Variants in CTNNA2 observed in about 807,000 individuals in gnomAD.
CTNNA2 encodes catenin alpha 2.
Under a neutral mutation model 101.0 loss-of-function variants are expected in CTNNA2, and 42 were observed. That is an observed-to-expected ratio of 0.42 (90% CI 0.32 to 0.54). The LOEUF is 0.54. CTNNA2 is among the 20% of genes least tolerant of loss of function. The pLI, the probability that CTNNA2 is intolerant of heterozygous loss-of-function variation, is 0.14. For synonymous variants in CTNNA2, 450 were observed against 456.4 expected, an observed-to-expected ratio of 0.99 and a Z score of 0.18; for missense variants, 871 against 1,223.1, an observed-to-expected ratio of 0.71 and a Z score of 4.29.
intron 6 of CTNNA2, among the ~76,000 whole-genome samples, chr2:79,901,420 A>G (rs1685063245): frequency 1.3e-5 from 2 of 152,106 alleles, no homozygotes; most frequent in African/African-American, 4.8e-5. Context: ...TCCAGGACAC[A>G]TTTGTCTTAC....
At chr2:80,201,126 C>A (rs755499984) in intron 7 of CTNNA2, among the ~76,000 whole-genome samples, 1 of 152,024 alleles carries the variant, frequency 6.6e-6, no homozygotes, top group African/African-American at 2.4e-5. Context: ...AATGTAAATG[C>A]TATGTTAATT....
chr2:80,242,804 T>C (rs310781), intron 7 of CTNNA2, among the ~76,000 whole-genome samples: 99,021 of 152,004 alleles, frequency 0.65, 32,785 homozygotes, highest in African/African-American at 0.77. Flanking sequence ...TCTCTCTTCT[T>C]GATGGTAACT....
In CTNNA2 at chr2:80,204,890, A is replaced by G. The variant is rs187020366; in HGVS notation, c.1057-188321A>G. Among the ~76,000 whole-genome samples the G allele has an allele frequency of 4.2e-4, 64 of 152,198 alleles. 2 individuals carry two copies. The highest frequency in any genetic ancestry group is 1.4e-3 in the African/African-American group (57 of 41,542). ...TGGCTGGGAAGGCCTCACAATCATG[A>G]TGGAAGACAAGGAGGAGCAAGTCAC... On this transcript the variant is annotated intron_variant, in intron 7 of 18. Transcript: ENST00000402739.
At chr2:79,913,587 A>C (rs1685963171) in intron 7 of CTNNA2, among the ~76,000 whole-genome samples, 1 of 152,200 alleles carries the variant, frequency 6.6e-6, no homozygotes, top group South Asian at 2.1e-4. Context: ...GCAGGAGGAC[A>C]GGTGAGGAGG....
At chr2:79,676,506 A>G (rs1302758135) in intron 2 of CTNNA2, among the ~76,000 whole-genome samples, 1 of 152,170 alleles carries the variant, frequency 6.6e-6, no homozygotes, top group African/African-American at 2.4e-5. Flanking sequence ...ATGTATATCC[A>G]TAGCCTGGAG....
chr2:79,387,719 C>CCCGGA (rs1678120369), intron 4 of CTNNA2, among the ~76,000 whole-genome samples: 1 of 149,986 alleles, frequency 6.7e-6, no homozygotes, highest in African/African-American at 2.5e-5. Flanking sequence ...AACTCCAAAA[C>CCCGGA]CTGGCGGCAG....
intron 4 of CTNNA2, among the ~76,000 whole-genome samples, chr2:79,427,143 A>G (rs935422604): frequency 6.6e-6 from 1 of 152,100 alleles, no homozygotes; most frequent in Non-Finnish European, 1.5e-5. Flanking sequence ...CACCTGCTAT[A>G]AGCAAATGAA....
chr2:79,790,099 T>C lies in CTNNA2; in HGVS notation c.298+45517T>C, dbSNP rs937852790. ...AAATGAGAATCACAAATAGTGATGA[T>C]GTAGTCAGCAGTACATCAGTAGTAG... On this transcript the variant is annotated intron_variant, in intron 3 of 18. Coordinates refer to ENST00000402739, the MANE Select transcript of CTNNA2 (RefSeq NM_001282597.3). Among the ~76,000 whole-genome samples, 4 of 152,216 alleles carry C rather than the reference T, an allele frequency of 2.6e-5. No individual in the cohort carries two copies. The East Asian group carries it at 7.7e-4, about 29-fold the overall frequency.
chr2:79,906,754 C>T (rs1182336439), intron 6 of CTNNA2, among the ~76,000 whole-genome samples: 2 of 152,186 alleles, frequency 1.3e-5, no homozygotes, highest in African/African-American at 4.8e-5. Flanking sequence ...ATAGATAATT[C>T]ATGCGTTTTA....
At chr2:79,773,254 A>G (rs1284148294) in intron 3 of CTNNA2, among the ~76,000 whole-genome samples, 2 of 152,248 alleles carry the variant, frequency 1.3e-5, no homozygotes, top group Non-Finnish European at 2.9e-5. Flanking sequence ...ATCAAGAAAA[A>G]TGACGAGGTA....
chr2:79,698,887 T>A (rs1481464446), intron 2 of CTNNA2, among the ~76,000 whole-genome samples: 1 of 152,098 alleles, frequency 6.6e-6, no homozygotes, highest in East Asian at 1.9e-4. Flanking sequence ...ATCTCAGCAA[T>A]ACAGCAGTAA....
upstream of CTNNA2, among the ~76,000 whole-genome samples, chr2:79,509,640 T>C (rs1407452925): frequency 1.3e-5 from 2 of 152,166 alleles, no homozygotes; most frequent in Non-Finnish European, 2.9e-5. Context: ...AGAGTATTTT[T>C]AGTGAGTAAA....
intron 7 of CTNNA2, among the ~76,000 whole-genome samples, chr2:80,025,718 A>G (rs1452303020): frequency 6.6e-6 from 1 of 152,166 alleles, no homozygotes; most frequent in Non-Finnish European, 1.5e-5. Context: ...GTAATGGAAT[A>G]TAAGGAAGTA....
intron 14 of CTNNA2, 22 bp from the exon 15 acceptor site, chr2:80,589,282 G>T (rs771466133): frequency 3.9e-5 from 63 of 1,611,940 alleles, no homozygotes; most frequent in Non-Finnish European, 5.1e-5. Context: ...CGTCACTCAC[G>T]CTTTTTCTGT....
At chr2:80,033,881 G>A (rs775998781) in intron 7 of CTNNA2, among the ~76,000 whole-genome samples, 2 of 149,168 alleles carry the variant, frequency 1.3e-5, no homozygotes, top group Admixed American at 6.8e-5. Flanking sequence ...AAAAATTGTA[G>A]CAGTCTGCAA....
intron 7 of CTNNA2, among the ~76,000 whole-genome samples, chr2:79,937,479 C>G (rs1183333862): frequency 1.3e-5 from 2 of 152,206 alleles, no homozygotes. Flanking sequence ...CTTGACATAT[C>G]TGCACATACC....
At chr2:80,539,163 T>G (rs1264278881) in intron 9 of CTNNA2, among the ~76,000 whole-genome samples, 1 of 152,158 alleles carries the variant, frequency 6.6e-6, no homozygotes, top group Non-Finnish European at 1.5e-5. Context: ...TTGTCAATTT[T>G]TAACTGTCTT....
intron 3 of CTNNA2, among the ~76,000 whole-genome samples, chr2:79,783,813 T>A (rs1674633022): frequency 6.6e-6 from 1 of 152,174 alleles, no homozygotes; most frequent in South Asian, 2.1e-4. Context: ...AAAGAGGGTT[T>A]CTTAACTTTC....
chr2:80,419,236 T>C (rs1680300250), intron 8 of CTNNA2, among the ~76,000 whole-genome samples: 1 of 152,196 alleles, frequency 6.6e-6, no homozygotes, highest in Admixed American at 6.5e-5. Context: ...GGCCATTATG[T>C]AACTTTCAAG....
Sources: gnomAD v4.1 joint callset for allele counts (sites outside exome capture counted in the v4.1 genomes callset) on GRCh38, gnomAD v4.1.1 for gene constraint, MANE v1.5 for transcripts, NCBI Gene and HGNC (gene_info 2026-07-23, HGNC 2026-07-21) for gene names.